Variants in PRTG observed in about 807,000 individuals in gnomAD.
The protein encoded by PRTG is immunoglobulin superfamily, DCC subclass, member 5.
PRTG carries 67 observed loss-of-function variants against 122.5 expected under a neutral mutation model. The observed-to-expected ratio is 0.55, with a 90% CI of 0.45 to 0.67. The LOEUF (loss-of-function observed/expected upper bound fraction) is 0.67, where lower values mean the gene tolerates loss of function less well. PRTG is among the 30% of genes least tolerant of loss of function. PRTG has a pLI of 0.00. For missense variants in PRTG, 1,435 were observed against 1,415.4 expected, an observed-to-expected ratio of 1.01 and a Z score of -0.22; for synonymous variants, 554 against 501.1, an observed-to-expected ratio of 1.11 and a Z score of -1.41.
At chr15:55,630,297 A>G (rs1397103681) in intron 15 of PRTG, among the ~76,000 whole-genome samples, 1 of 151,796 alleles carries the variant, frequency 6.6e-6, no homozygotes, top group African/African-American at 2.4e-5. Flanking sequence ...ATTCTTTTGT[A>G]TTTTTAATAG....
At chr15:55,689,844 T>C (rs1201032403) in intron 2 of PRTG, among the ~76,000 whole-genome samples, 1 of 150,828 alleles carries the variant, frequency 6.6e-6, no homozygotes, top group East Asian at 2.0e-4. Flanking sequence ...AGAAGAATGG[T>C]GTGAACCCAG....
Position 55,617,403 on chromosome 15 carries a change from A to G in PRTG, c.*2609T>C, listed in dbSNP as rs2059146267. The G allele has an allele frequency of 1.3e-5, 2 of 152,130 alleles. No homozygotes were observed. 9.4% of individuals were successfully genotyped at this position (152,130 alleles called of 1,614,324 possible). On this transcript the variant is annotated 3_prime_UTR_variant, in exon 20 of 20. Coordinates refer to ENST00000389286, the MANE Select transcript of PRTG (RefSeq NM_173814.6). The stretch of plus-strand genomic sequence containing the variant: ...TGCTCTGGTAACAATAAGGTAGTTA[A>G]CATTACTAATCTATTTAACTACAAC...
intron 2 of PRTG, among the ~76,000 whole-genome samples, chr15:55,734,826 G>A (rs1182455019): frequency 6.6e-6 from 1 of 152,098 alleles, no homozygotes; most frequent in Non-Finnish European, 1.5e-5. Flanking sequence ...TGAGGATGAC[G>A]CCTTTATCCT....
chr15:55,711,160 G>C (rs1295012730), intron 2 of PRTG, among the ~76,000 whole-genome samples: 1 of 145,508 alleles, frequency 6.9e-6, no homozygotes, highest in Non-Finnish European at 1.5e-5. Flanking sequence ...GACCTCAAGT[G>C]ATCCACCTGC....
At chr15:55,722,554 G>A (rs2030865155) in intron 2 of PRTG, among the ~76,000 whole-genome samples, 2 of 152,154 alleles carry the variant, frequency 1.3e-5, no homozygotes. Flanking sequence ...ATCTCATGCT[G>A]AAAACTAAAA....
chr15:55,669,030 A>G (rs1398259091), intron 11 of PRTG, among the ~76,000 whole-genome samples: 5 of 152,162 alleles, frequency 3.3e-5, no homozygotes, highest in Non-Finnish European at 5.9e-5. Flanking sequence ...AAATATTTGA[A>G]AATGCTCGTT....
At chr15:55,679,163 G>C (rs1009607060) in intron 7 of PRTG, 123 bp downstream of exon 7, 1 of 634,674 alleles carries the variant, frequency 1.6e-6, no homozygotes, top group Non-Finnish European at 2.7e-6. Flanking sequence ...TCTTAGTTTA[G>C]TTTCATTTTG....
Position 55,620,786 on chromosome 15 carries a change from G to C in PRTG, c.3094-19C>G. On this transcript the variant is annotated intron_variant, in intron 18 of 19. Coordinates refer to ENST00000389286, the MANE Select transcript of PRTG (RefSeq NM_173814.6). Reference sequence around the variant, plus strand: ...TTCCTCCCTGAGGAAATAAAAGAGGGGAAATGTAAAATATCCTGGTATCAC... The same window carrying C: ...TTCCTCCCTGAGGAAATAAAAGAGGCGAAATGTAAAATATCCTGGTATCAC... 1.3e-6 allele frequency: 2 copies of C among 1,568,258 alleles called. No homozygotes were observed. The highest frequency in any genetic ancestry group is 8.6e-7 in the Non-Finnish European group (1 of 1,159,672).
intron 2 of PRTG, among the ~76,000 whole-genome samples, chr15:55,689,619 C>A (rs578253641): frequency 2.6e-5 from 3 of 116,216 alleles, no homozygotes; most frequent in Non-Finnish European, 5.3e-5. Context: ...CACATGTACC[C>A]TAGAACTTAA....
At chr15:55,718,609 G>C (rs2576936) in intron 2 of PRTG, among the ~76,000 whole-genome samples, 6,920 of 144,984 alleles carry the variant, frequency 0.048, 249 homozygotes, top group African/African-American at 0.097. Flanking sequence ...AAACAGCCTT[G>C]TTGCTCACAA....
At chr15:55,639,352 T>C (rs940434879) in intron 13 of PRTG, among the ~76,000 whole-genome samples, 1 of 152,202 alleles carries the variant, frequency 6.6e-6, no homozygotes, top group Non-Finnish European at 1.5e-5. Flanking sequence ...TTTCTTTCTT[T>C]AAACATGCTC....
chr15:55,626,866 G>A, intron 17 of PRTG, 142 bp downstream of exon 17: 1 of 544,268 alleles, frequency 1.8e-6, no homozygotes, highest in East Asian at 3.4e-5. Flanking sequence ...ATAGCTGTAA[G>A]AACTCAGGGA....
intron 11 of PRTG, among the ~76,000 whole-genome samples, chr15:55,650,751 G>A (rs1245324110): frequency 6.6e-6 from 1 of 152,114 alleles, no homozygotes; most frequent in Non-Finnish European, 1.5e-5. Context: ...GATGGCTTGA[G>A]CTCAGGAGTT....
chr15:55,693,914 T>A (rs2059618549), intron 2 of PRTG, among the ~76,000 whole-genome samples: 1 of 152,138 alleles, frequency 6.6e-6, no homozygotes, highest in Non-Finnish European at 1.5e-5. Context: ...ATGGCAGTGA[T>A]CCTCATATAC....
intron 2 of PRTG, among the ~76,000 whole-genome samples, chr15:55,692,469 T>C (rs1397375886): frequency 2.0e-5 from 3 of 151,842 alleles, no homozygotes; most frequent in African/African-American, 7.3e-5. Flanking sequence ...CCCGTAAAGG[T>C]TGGGGGATAC....
intron 2 of PRTG, among the ~76,000 whole-genome samples, chr15:55,737,462 T>C (rs1239335911): frequency 6.6e-6 from 1 of 152,170 alleles, no homozygotes; most frequent in African/African-American, 2.4e-5. Flanking sequence ...CCTGCTCTGA[T>C]GTGCTTGGGA....
At chr15:55,705,013 T>C (rs2030044992) in intron 2 of PRTG, among the ~76,000 whole-genome samples, 1 of 152,208 alleles carries the variant, frequency 6.6e-6, no homozygotes. Flanking sequence ...ACCTACTATA[T>C]ATCATATGTA....
At chr15:55,730,147 A>G (rs987803633) in intron 2 of PRTG, among the ~76,000 whole-genome samples, 6 of 152,040 alleles carry the variant, frequency 3.9e-5, no homozygotes, top group African/African-American at 9.7e-5. Flanking sequence ...CGTTGCCCAT[A>G]CTGGAGTGCA....
chr15:55,724,422 C>T (rs184492647), intron 2 of PRTG, among the ~76,000 whole-genome samples: 2 of 152,060 alleles, frequency 1.3e-5, no homozygotes, highest in Admixed American at 1.3e-4. Context: ...CATCAGAAAT[C>T]ACAGGGATTG....
Sources: allele counts gnomAD v4.1 joint callset (sites outside exome capture counted in the v4.1 genomes callset), GRCh38; gene constraint gnomAD v4.1.1; transcripts MANE v1.5; gene names NCBI Gene and HGNC (gene_info 2026-07-23, HGNC 2026-07-21).